The following ACTR3 variants were observed in gnomAD, a reference collection of about 807,000 sequenced individuals.
ACTR3 encodes the protein actin related protein 3.
A neutral mutation model predicts 56.8 loss-of-function variants in ACTR3; 12 were observed. The ratio of observed to expected loss-of-function variants is 0.21; its 90% CI spans 0.14 to 0.34. ACTR3 has a LOEUF of 0.34. Ranked by LOEUF, ACTR3 falls within the 10% of genes least tolerant of loss-of-function variation. The pLI, the probability that ACTR3 is intolerant of heterozygous loss-of-function variation, is 1.00. For synonymous variants in ACTR3, 162 were observed against 167.4 expected, an observed-to-expected ratio of 0.97 and a Z score of 0.25; for missense variants, 282 against 512.5, an observed-to-expected ratio of 0.55 and a Z score of 4.34.
rs1191353127 is a variant in ACTR3, at chr2:113,958,736, G to A, written c.*1281G>A. The A allele has an allele frequency of 6.6e-6, 1 of 151,748 alleles. No individual in the cohort carries two copies. The highest frequency in any genetic ancestry group is 1.5e-5 in the Non-Finnish European group (1 of 67,866). 9.4% of individuals were successfully genotyped at this position (151,748 alleles called of 1,614,324 possible). A position where few individuals can be genotyped will look rare whatever the true frequency, so the allele number is the denominator to read the frequency against. On this transcript the variant is annotated 3_prime_UTR_variant, in exon 12 of 12. Transcript: ENST00000263238. ...TTCTTGTGACCTTAAAATTTTACCA[G>A]TTATTTATAGAAAGAGAAAATGGGA... is the stretch of plus-strand genomic sequence containing the variant.
intron 3 of ACTR3, among the ~76,000 whole-genome samples, chr2:113,924,497 A>G (rs757056177): frequency 6.6e-6 from 1 of 152,188 alleles, no homozygotes; most frequent in Non-Finnish European, 1.5e-5. Context: ...CAATGCTGCT[A>G]TAATAGTCTT....
intron 6 of ACTR3, among the ~76,000 whole-genome samples, chr2:113,939,676 T>G (rs940691040): frequency 1.3e-5 from 2 of 152,242 alleles, no homozygotes; most frequent in African/African-American, 4.8e-5. Flanking sequence ...ATATAAAGTC[T>G]GCTATCTAAA....
intron 5 of ACTR3, among the ~76,000 whole-genome samples, chr2:113,933,697 T>TTTTG (rs1679766217): frequency 6.7e-6 from 1 of 149,152 alleles, no homozygotes; most frequent in African/African-American, 2.5e-5. Context: ...TTTTTTTTTT[T>TTTTG]GAGATGGAGT....
chr2:113,952,077 C>CT (rs987210633), intron 10 of ACTR3: 350 of 460,438 alleles, frequency 7.6e-4, no homozygotes, highest in East Asian at 1.6e-3. Context: ...TGTGGAAAGA[C>CT]TTTTTTTTTA....
chr2:113,924,774 C>T (rs570106237), intron 3 of ACTR3, among the ~76,000 whole-genome samples: 1 of 151,974 alleles, frequency 6.6e-6, no homozygotes, highest in East Asian at 1.9e-4. Flanking sequence ...CCTCTCATTC[C>T]CCTGCCAAAA....
chr2:113,937,203 A>G (rs1199034979), intron 6 of ACTR3, among the ~76,000 whole-genome samples: 2 of 152,164 alleles, frequency 1.3e-5, no homozygotes, highest in African/African-American at 2.4e-5. Context: ...TCCTGGGTTT[A>G]AGCGATTCTT....
In ACTR3 at chr2:113,958,386, A is replaced by G. The variant is rs555593065; in HGVS notation, c.*931A>G. On this transcript the variant is annotated 3_prime_UTR_variant, in exon 12 of 12. Transcript: ENST00000263238. ...CTTTTGTAATGTGCTCAATACAAAT[A>G]CTTGTGAACTTTTAATATGTTGAGT... 6.6e-6 allele frequency: 1 copy of G among 152,650 alleles called. No individual in the cohort carries two copies. Among genetic ancestry groups the G allele is most frequent in the South Asian group, 2.1e-4 (1 of 4,826 alleles). The allele number at this position is 152,650 out of a possible 1,614,324, so 9.5% of individuals were successfully genotyped here. A position where few individuals can be genotyped will look rare whatever the true frequency, so the allele number is the denominator to read the frequency against.
upstream of ACTR3, chr2:113,890,030 G>A (rs1412843096): frequency 3.4e-6 from 2 of 586,248 alleles, no homozygotes; most frequent in Non-Finnish European, 6.1e-6. Context: ...TGAGGAGGAG[G>A]GAAGAGAGAG....
At chr2:113,906,785 G>T (rs1236332831) in intron 1 of ACTR3, among the ~76,000 whole-genome samples, 1 of 152,050 alleles carries the variant, frequency 6.6e-6, no homozygotes, top group Non-Finnish European at 1.5e-5. Context: ...ATATATGTGA[G>T]AGTTTATTTC....
At chr2:113,937,824 TTTTC>T (rs1448065769) in intron 6 of ACTR3, among the ~76,000 whole-genome samples, 1 of 152,126 alleles carries the variant, frequency 6.6e-6, no homozygotes, top group African/African-American at 2.4e-5. Context: ...CTAAGTAAAG[TTTTC>T]TTTATGTCTC....
At chr2:113,908,985 G>A (rs1301161454) in intron 1 of ACTR3, among the ~76,000 whole-genome samples, 1 of 152,030 alleles carries the variant, frequency 6.6e-6, no homozygotes, top group Non-Finnish European at 1.5e-5. Flanking sequence ...AAGAATTGGT[G>A]AAAATATTGT....
chr2:113,907,081 C>G (rs974454420), intron 1 of ACTR3, among the ~76,000 whole-genome samples: 1 of 152,032 alleles, frequency 6.6e-6, no homozygotes, highest in Non-Finnish European at 1.5e-5. Flanking sequence ...GAATTCTGTA[C>G]TAAATGCAAT....
chr2:113,944,996 T>C (rs1229591017), intron 8 of ACTR3, among the ~76,000 whole-genome samples: 1 of 152,002 alleles, frequency 6.6e-6, no homozygotes, highest in African/African-American at 2.4e-5. Flanking sequence ...TATTACAGCA[T>C]AGAGGAGAGA....
chr2:113,934,416 A>G, intron 6 of ACTR3, 30 bp downstream of exon 6: 5 of 1,300,980 alleles, frequency 3.8e-6, no homozygotes, highest in Non-Finnish European at 5.3e-6. Flanking sequence ...ACTGAACAGA[A>G]CATGAAATAA....
At chr2:113,904,012 G>A (rs1309958274) in intron 1 of ACTR3, 1 of 152,030 alleles carries the variant, frequency 6.6e-6, no homozygotes, top group Non-Finnish European at 1.5e-5. Context: ...GCCTGGCACT[G>A]CGCCCGGCTA....
chr2:113,931,470 C>A, intron 5 of ACTR3, 74 bp downstream of exon 5: 2 of 687,596 alleles, frequency 2.9e-6, no homozygotes, highest in Non-Finnish European at 4.3e-6. Flanking sequence ...AAAATACGTA[C>A]TTTTTTTTTT....
intron 3 of ACTR3, among the ~76,000 whole-genome samples, chr2:113,925,194 CTTTT>C (rs771794090): frequency 9.5e-6 from 1 of 105,176 alleles, no homozygotes; most frequent in Admixed American, 1.0e-4. Flanking sequence ...ATCGTGCCAC[CTTTT>C]TTTTTTTTTT....
chr2:113,909,011 T>G (rs998713840), intron 1 of ACTR3, among the ~76,000 whole-genome samples: 1 of 152,190 alleles, frequency 6.6e-6, no homozygotes, highest in Non-Finnish European at 1.5e-5. Context: ...ATGATTATTA[T>G]CAAATGCTGT....
intron 3 of ACTR3, among the ~76,000 whole-genome samples, chr2:113,926,179 A>G (rs1208002285): frequency 1.3e-5 from 2 of 152,214 alleles, no homozygotes; most frequent in Non-Finnish European, 2.9e-5. Flanking sequence ...CTTGTTTTAT[A>G]TCGATGTTAT....
Sources: allele counts gnomAD v4.1 joint callset (sites outside exome capture counted in the v4.1 genomes callset), GRCh38; gene constraint gnomAD v4.1.1; transcripts MANE v1.5; gene names NCBI Gene and HGNC (gene_info 2026-07-23, HGNC 2026-07-21).